The following C9 variants were observed in gnomAD, a reference collection of about 807,000 sequenced individuals.
C9 encodes the protein complement component C9.
Under a neutral mutation model 65.4 loss-of-function variants are expected in C9, and 63 were observed. The observed-to-expected ratio is 0.96, with a 90% confidence interval of 0.79 to 1.19. C9 has a LOEUF of 1.19. C9 is among the 50% of genes most tolerant of loss of function. C9 has a pLI of 0.00. For synonymous variants in C9, 229 were observed against 227.9 expected (o/e 1.00, Z -0.04); for missense variants, 744 against 670.1 (o/e 1.11, Z -1.22).
intron 5 of C9, among the ~76,000 whole-genome samples, chr5:39,322,689 C>T (rs1454049532): frequency 1.3e-5 from 2 of 152,062 alleles, no homozygotes; most frequent in African/African-American, 4.8e-5. Context: ...GTTTTGCATC[C>T]GTGGATTCAA....
At chr5:39,320,343 AT>A (rs1341501055) in intron 5 of C9, among the ~76,000 whole-genome samples, 8 of 152,202 alleles carry the variant, frequency 5.3e-5, no homozygotes, top group African/African-American at 1.4e-4. Flanking sequence ...AAACAACCAA[AT>A]TTAGGGAGTT....
At chr5:39,313,825 T>A (rs1318469941) in intron 6 of C9, among the ~76,000 whole-genome samples, 1 of 152,096 alleles carries the variant, frequency 6.6e-6, no homozygotes, top group Non-Finnish European at 1.5e-5. Flanking sequence ...AAACACCAAC[T>A]CCTACTTGGC....
intron 9 of C9, among the ~76,000 whole-genome samples, chr5:39,292,446 G>A (rs530304286): frequency 6.6e-6 from 1 of 151,370 alleles, no homozygotes; most frequent in South Asian, 2.1e-4. Context: ...AAAGCCAAGA[G>A]AGTTTGATAC....
Position 39,341,118 on chromosome 5 carries a change from T to C in C9, c.476+28A>G. On this transcript the variant is annotated intron_variant, in intron 4 of 10. Transcript: ENST00000263408. ...TGGAGATCATTTTCACTCATTTTCA[T>C]CTGAAAAAGTACAAGTAAAATACAC... 4 of 1,612,662 alleles carry C rather than the reference T, an allele frequency of 2.5e-6. No homozygotes were observed. In the South Asian group the frequency reaches 3.3e-5, roughly 13 times the overall value.
Position 39,344,486 on chromosome 5 carries a change from G to T in C9, c.78-2290C>A, listed in dbSNP as rs559159789. Among the ~76,000 whole-genome samples the T allele has an allele frequency of 1.5e-4, 23 of 152,310 alleles. No homozygotes were observed. In the South Asian group the frequency reaches 4.6e-3, roughly 30 times the overall value. On this transcript the variant is annotated intron_variant, in intron 1 of 10. Transcript: ENST00000263408. ...AAGTTTAGAGACAAAAGGATAAAAA[G>T]AAATGAACAAAGCCTCCAAGAAATA...
At chr5:39,360,036 G>T (rs1208115000) in intron 1 of C9, among the ~76,000 whole-genome samples, 1 of 152,068 alleles carries the variant, frequency 6.6e-6, no homozygotes, top group East Asian at 1.9e-4. Context: ...CAAAGTAGGA[G>T]GAAAAAGTGA....
chr5:39,356,952 A>T (rs568793968), intron 1 of C9, among the ~76,000 whole-genome samples: 4 of 152,352 alleles, frequency 2.6e-5, no homozygotes, highest in Non-Finnish European at 4.4e-5. Flanking sequence ...AAATGTGTTT[A>T]TCAAATAAAA....
rs1478312194 is a variant in C9 at position 39,341,228 on chromosome 5, C to A, written c.394G>T (p.Asp132Tyr). The change falls in exon 4 of 11, where the codon GAT becomes TAT. Residue 132 changes from aspartate (D) to tyrosine (Y), a missense_variant. Physicochemically the swap from Asp to Tyr is radical, Grantham distance 160. Transcript: ENST00000263408. ...GGACGGGGCTCACTTTCACAATCAT[C>A]CTCATCTGAAAAGTCTCCGCAGTCA... ...DNDCGDFSDE[D>Y]DCESEPRPPC... is the part of the protein sequence containing the mutation. 3 of 1,614,068 alleles carry A rather than the reference C, an allele frequency of 1.9e-6. No individual in the cohort carries two copies. The African/African-American group carries it at 4.0e-5, about 22-fold the overall frequency.
At chr5:39,341,460 G>A (rs1754080954) in intron 3 of C9, 96 bp downstream of exon 3, 1 of 1,513,170 alleles carries the variant, frequency 6.6e-7, no homozygotes, top group Non-Finnish European at 9.2e-7. Context: ...TTCACGCTTG[G>A]AAATCCAAGT....
intron 1 of C9, among the ~76,000 whole-genome samples, chr5:39,343,494 C>T (rs1364394695): frequency 2.0e-5 from 3 of 152,324 alleles, no homozygotes; most frequent in Admixed American, 2.0e-4. Context: ...CCCGCCATTG[C>T]TGAGGCTTGA....
At chr5:39,331,018 G>A (rs1377214967) in intron 5 of C9, among the ~76,000 whole-genome samples, 1 of 152,028 alleles carries the variant, frequency 6.6e-6, no homozygotes, top group Admixed American at 6.6e-5. Flanking sequence ...GTAGCTCCTG[G>A]GTCAGAGCAA....
In C9 at chr5:39,359,019, T is replaced by TAAA. The variant is rs1269752220; in HGVS notation, c.77+5368_77+5369insTTT. Among the ~76,000 whole-genome samples the TAAA allele has an allele frequency of 6.4e-3, 106 of 16,526 alleles. 1 individual carries two copies. The highest frequency in any genetic ancestry group is 0.019 in the South Asian group (7 of 370). The allele number at this position is 16,526 out of a possible 152,430, so 10.8% of individuals were successfully genotyped here. A position where few individuals can be genotyped will look rare whatever the true frequency, so the allele number is the denominator to read the frequency against. On this transcript the variant is annotated intron_variant, in intron 1 of 10. Coordinates refer to ENST00000263408, the MANE Select transcript of C9 (RefSeq NM_001737.5). The stretch of plus-strand genomic sequence containing the variant: ...AATAAATAAATAAATAAATAAAAAA[T>TAAA]ATATATATATATATATATGTGTGTG...
chr5:39,304,626 A>G (rs1228720952), intron 9 of C9, among the ~76,000 whole-genome samples: 6 of 152,154 alleles, frequency 3.9e-5, no homozygotes, highest in Non-Finnish European at 1.5e-5. Context: ...AACTCTTTCT[A>G]CAAGAAGATA....
chr5:39,333,588 C>G (rs1753885938), intron 4 of C9, among the ~76,000 whole-genome samples: 1 of 149,672 alleles, frequency 6.7e-6, no homozygotes, highest in Non-Finnish European at 1.5e-5. Flanking sequence ...CTCTCCGTCT[C>G]CCTCTCCGTC....
chr5:39,295,412 A>G (rs1490495437), intron 9 of C9, among the ~76,000 whole-genome samples: 1 of 151,826 alleles, frequency 6.6e-6, no homozygotes, highest in Non-Finnish European at 1.5e-5. Flanking sequence ...ATTAAAGAAC[A>G]ACAAACTAGG....
At chr5:39,298,124 T>A (rs956126174) in intron 9 of C9, among the ~76,000 whole-genome samples, 1 of 151,486 alleles carries the variant, frequency 6.6e-6, no homozygotes, top group Non-Finnish European at 1.5e-5. Context: ...TTAAATTGAA[T>A]GAAAATGAAA....
chr5:39,319,285 A>C (rs1304079509), intron 5 of C9, among the ~76,000 whole-genome samples: 1 of 152,238 alleles, frequency 6.6e-6, no homozygotes, highest in Non-Finnish European at 1.5e-5. Context: ...TACTTATTAA[A>C]TAAAACTTCA....
intron 9 of C9, among the ~76,000 whole-genome samples, chr5:39,305,532 A>C (rs1426063771): frequency 6.6e-6 from 1 of 152,178 alleles, no homozygotes; most frequent in Non-Finnish European, 1.5e-5. Context: ...AGGAAAGCAA[A>C]TTGTAAAACA....
chr5:39,306,359 G>A (rs1753377513), intron 9 of C9, among the ~76,000 whole-genome samples: 1 of 152,008 alleles, frequency 6.6e-6, no homozygotes, highest in Admixed American at 6.6e-5. Context: ...AACAAAGATG[G>A]AGTCCTAGAG....
Sources: gnomAD v4.1 joint callset for allele counts (sites outside exome capture counted in the v4.1 genomes callset) on GRCh38, gnomAD v4.1.1 for gene constraint, MANE v1.5 for transcripts, NCBI Gene and HGNC (gene_info 2026-07-23, HGNC 2026-07-21) for gene names.